The following NEGR1 variants were observed in gnomAD, a reference collection of about 807,000 sequenced individuals.
NEGR1 encodes the protein neuronal growth regulator 1, also known as IgLON family member 4.
In NEGR1, 10 loss-of-function variants were observed where a neutral mutation model predicts 40.9. That is an observed-to-expected ratio of 0.24 (90% CI 0.15 to 0.42). The LOEUF is 0.42. Ranked by LOEUF, NEGR1 falls within the 10% of genes least tolerant of loss-of-function variation. The pLI is 1.00. For missense variants in NEGR1, 352 were observed against 438.9 expected (o/e 0.80, Z 1.77); for synonymous variants, 185 against 166.8 (o/e 1.11, Z -0.84).
intron 1 of NEGR1, among the ~76,000 whole-genome samples, chr1:72,113,096 T>G (rs967355763): frequency 1.3e-5 from 2 of 151,710 alleles, no homozygotes; most frequent in African/African-American, 4.8e-5. Context: ...GGTACAGAGT[T>G]AAGAGTCCAA....
At chr1:72,278,113 A>T (rs1335479064) in intron 1 of NEGR1, among the ~76,000 whole-genome samples, 7 of 152,154 alleles carry the variant, frequency 4.6e-5, no homozygotes. Context: ...AATACGCCCT[A>T]AGCAAAAGGC....
intron 1 of NEGR1, among the ~76,000 whole-genome samples, chr1:72,146,329 G>A (rs556712637): frequency 6.6e-6 from 1 of 152,292 alleles, no homozygotes; most frequent in African/African-American, 2.4e-5. Flanking sequence ...CTGCTGTGCT[G>A]CTCCATTACC....
intron 1 of NEGR1, among the ~76,000 whole-genome samples, chr1:71,988,421 C>T (rs1646419316): frequency 1.3e-5 from 2 of 151,476 alleles, no homozygotes; most frequent in African/African-American, 4.8e-5. Flanking sequence ...CGCCTGTAGT[C>T]CCAGCTACTT....
intron 3 of NEGR1, among the ~76,000 whole-genome samples, chr1:71,743,548 T>C (rs1655282812): frequency 6.6e-6 from 1 of 152,178 alleles, no homozygotes; most frequent in Non-Finnish European, 1.5e-5. Context: ...CAGTATGGTA[T>C]TTTTAAAAAT....
At chr1:71,655,768 G>A (rs1027454577) in intron 4 of NEGR1, among the ~76,000 whole-genome samples, 3 of 152,118 alleles carry the variant, frequency 2.0e-5, no homozygotes, top group African/African-American at 4.8e-5. Context: ...ATACTGAGAA[G>A]TTTATTATGC....
At chr1:72,274,809 G>A in intron 1 of NEGR1, 2 of 1,481,266 alleles carry the variant, frequency 1.4e-6, no homozygotes, top group Non-Finnish European at 1.9e-6. Flanking sequence ...TAGAAAAAGT[G>A]GGCCAGGTGA....
intron 6 of NEGR1, among the ~76,000 whole-genome samples, chr1:71,528,167 C>A (rs1647249277): frequency 6.6e-6 from 1 of 151,288 alleles, no homozygotes; most frequent in African/African-American, 2.4e-5. Context: ...TACCCCTAGT[C>A]TTCTACATTT....
At chr1:71,750,574 G>A (rs1402396725) in intron 3 of NEGR1, among the ~76,000 whole-genome samples, 1 of 152,152 alleles carries the variant, frequency 6.6e-6, no homozygotes, top group South Asian at 2.1e-4. Flanking sequence ...GAGAACTTAT[G>A]CAGGGGAACT....
chr1:71,746,222 G>T (rs1655377929), intron 3 of NEGR1, among the ~76,000 whole-genome samples: 1 of 152,178 alleles, frequency 6.6e-6, no homozygotes, highest in Non-Finnish European at 1.5e-5. Context: ...TGATGAGGAG[G>T]AAAGAAAACA....
At chr1:71,688,373 T>TAAAAAAGATATATATAAG (rs1457888396) in intron 4 of NEGR1, among the ~76,000 whole-genome samples, 2 of 71,308 alleles carry the variant, frequency 2.8e-5, no homozygotes, top group African/African-American at 4.7e-5. Context: ...ATATGAGATA[T>TAAAAAAGATATATATAAG]ATACATAAAA....
chr1:71,968,351 G>C (rs534894751), intron 1 of NEGR1, among the ~76,000 whole-genome samples: 2 of 152,122 alleles, frequency 1.3e-5, no homozygotes, highest in Non-Finnish European at 2.9e-5. Flanking sequence ...AAACAACTTT[G>C]GGATATCAGA....
intron 3 of NEGR1, among the ~76,000 whole-genome samples, chr1:71,722,614 T>C (rs1654546107): frequency 6.6e-6 from 1 of 152,136 alleles, no homozygotes; most frequent in Admixed American, 6.6e-5. Context: ...GGGTTTTTTG[T>C]TAATTGGTCT....
At chr1:72,231,686 G>T (rs570284186) in intron 1 of NEGR1, among the ~76,000 whole-genome samples, 8 of 151,974 alleles carry the variant, frequency 5.3e-5, no homozygotes, top group Non-Finnish European at 1.0e-4. Flanking sequence ...TCATTAATTT[G>T]TGAGGTTCTC....
intron 1 of NEGR1, among the ~76,000 whole-genome samples, chr1:72,031,655 T>A (rs1352863870): frequency 1.3e-5 from 2 of 152,122 alleles, no homozygotes; most frequent in African/African-American, 4.8e-5. Context: ...TCATGTGAAA[T>A]CCTTTTATTT....
At chr1:72,197,141 G>T (rs1194287958) in intron 1 of NEGR1, among the ~76,000 whole-genome samples, 2 of 151,964 alleles carry the variant, frequency 1.3e-5, no homozygotes, top group Non-Finnish European at 2.9e-5. Flanking sequence ...TCCACTAGAA[G>T]TCAATGTTTT....
chr1:71,582,747 C>G (rs1264063527), intron 6 of NEGR1, among the ~76,000 whole-genome samples: 4 of 152,154 alleles, frequency 2.6e-5, no homozygotes, highest in Non-Finnish European at 5.9e-5. Flanking sequence ...AATCTTTCTG[C>G]AAATTTCAAG....
intron 1 of NEGR1, among the ~76,000 whole-genome samples, chr1:72,248,081 C>T (rs1654959473): frequency 1.3e-5 from 2 of 152,076 alleles, no homozygotes; most frequent in African/African-American, 4.8e-5. Context: ...GAAGACAGCA[C>T]CAAGCCATGA....
At chr1:71,610,910 G>C (rs1398917112) in intron 5 of NEGR1, 116 bp downstream of exon 5, 1 of 1,024,662 alleles carries the variant, frequency 9.8e-7, no homozygotes, top group Admixed American at 2.1e-5. Flanking sequence ...TTGCTGGAGA[G>C]GAGGCTGCTG....
chr1:72,243,966 T>C (rs1054776941), intron 1 of NEGR1, among the ~76,000 whole-genome samples: 9 of 151,890 alleles, frequency 5.9e-5, no homozygotes, highest in Non-Finnish European at 1.0e-4. Flanking sequence ...AGGTGATTTA[T>C]AGAGAAAGCT....
Sources: gnomAD v4.1 joint callset for allele counts (sites outside exome capture counted in the v4.1 genomes callset) on GRCh38, gnomAD v4.1.1 for gene constraint, MANE v1.5 for transcripts, NCBI Gene and HGNC (gene_info 2026-07-23, HGNC 2026-07-21) for gene names.